DLG2: variants seen among roughly 807,000 people sequenced by gnomAD.
DLG2 encodes the protein disks large homolog 2.
In DLG2, 45 loss-of-function variants were observed where a neutral mutation model predicts 132.5. The observed-to-expected ratio is 0.34, with a 90% CI of 0.27 to 0.44. DLG2 has a LOEUF of 0.44. DLG2 is among the 20% of genes least tolerant of loss of function. The probability of loss-of-function intolerance (pLI) is 1.00; values close to 1 mark genes in which losing one functional copy is unlikely to be tolerated. For missense variants in DLG2, 1,045 were observed against 1,196.9 expected, an observed-to-expected ratio of 0.87 and a Z score of 1.87; for synonymous variants, 424 against 419.6, an observed-to-expected ratio of 1.01 and a Z score of -0.13.
At chr11:85,009,523 A>T (rs646502) in intron 6 of DLG2, among the ~76,000 whole-genome samples, 107,229 of 151,910 alleles carry the variant, frequency 0.71, 38,839 homozygotes, top group East Asian at 0.92. Context: ...TAAGAGAAAA[A>T]GCCAGACGCT....
At chr11:83,994,705 T>C (rs1162824092) in intron 11 of DLG2, among the ~76,000 whole-genome samples, 1 of 152,172 alleles carries the variant, frequency 6.6e-6, no homozygotes, top group Admixed American at 6.6e-5. Context: ...CTTAGTTTCC[T>C]AGGGCTGCAA....
intron 9 of DLG2, among the ~76,000 whole-genome samples, chr11:84,130,950 CAT>C (rs2094397868): frequency 6.7e-6 from 1 of 150,158 alleles, no homozygotes; most frequent in African/African-American, 2.4e-5. Flanking sequence ...TATTACAAAA[CAT>C]AGGGTTAAGA....
intron 4 of DLG2, among the ~76,000 whole-genome samples, chr11:85,261,860 C>G (rs1422970474): frequency 6.6e-6 from 1 of 151,970 alleles, no homozygotes; most frequent in Non-Finnish European, 1.5e-5. Flanking sequence ...GTTGGGCTAT[C>G]AGGGGGAAGG....
chr11:85,402,101 G>C (rs286037), intron 3 of DLG2, among the ~76,000 whole-genome samples: 127,068 of 152,084 alleles, frequency 0.84, 53,324 homozygotes, highest in Middle Eastern at 0.9. Flanking sequence ...ATACTACAAG[G>C]CTACAGTAAC....
intron 7 of DLG2, among the ~76,000 whole-genome samples, chr11:84,473,019 G>A (rs1214556660): frequency 2.6e-5 from 4 of 152,052 alleles, no homozygotes; most frequent in Non-Finnish European, 4.4e-5. Flanking sequence ...TAATGCCAAA[G>A]CTAGAAGGAA....
chr11:84,068,166 C>G (rs2096707120), intron 10 of DLG2, among the ~76,000 whole-genome samples: 1 of 152,212 alleles, frequency 6.6e-6, no homozygotes, highest in Non-Finnish European at 1.5e-5. Context: ...TAAAGTAGAT[C>G]TATAGGAAGA....
At chr11:83,518,603 T>C (rs2095377063) in intron 21 of DLG2, among the ~76,000 whole-genome samples, 2 of 152,180 alleles carry the variant, frequency 1.3e-5, no homozygotes, top group Non-Finnish European at 2.9e-5. Context: ...CAGAAGTGAT[T>C]TGTCTTCTGT....
chr11:84,270,971 C>A (rs1305443362), intron 7 of DLG2, among the ~76,000 whole-genome samples: 2 of 152,084 alleles, frequency 1.3e-5, no homozygotes, highest in Non-Finnish European at 1.5e-5. Context: ...TGAAGTGTAT[C>A]ATTAGTACAA....
chr11:83,609,252 C>T (rs2059772439), intron 19 of DLG2, among the ~76,000 whole-genome samples: 1 of 152,214 alleles, frequency 6.6e-6, no homozygotes, highest in African/African-American at 2.4e-5. Flanking sequence ...TAACCCTAGA[C>T]ATGCCCTTCT....
intron 5 of DLG2, among the ~76,000 whole-genome samples, chr11:85,132,475 A>G (rs1422672489): frequency 2.0e-5 from 3 of 152,108 alleles, no homozygotes; most frequent in Non-Finnish European, 4.4e-5. Context: ...TATTTCTATT[A>G]TGAGCTATAA....
intron 11 of DLG2, among the ~76,000 whole-genome samples, chr11:84,035,444 C>T (rs952426049): frequency 3.9e-5 from 6 of 152,070 alleles, no homozygotes; most frequent in Admixed American, 1.3e-4. Context: ...GAGAGAAAGC[C>T]ACATGAAAAG....
intron 4 of DLG2, among the ~76,000 whole-genome samples, chr11:85,281,688 T>C (rs2078235943): frequency 6.6e-6 from 1 of 151,858 alleles, no homozygotes; most frequent in Non-Finnish European, 1.5e-5. Context: ...ATGGCTTTTA[T>C]AAAAAAGACA....
intron 3 of DLG2, among the ~76,000 whole-genome samples, chr11:85,319,220 T>C (rs140124833): frequency 9.0e-4 from 136 of 151,894 alleles, no homozygotes; most frequent in African/African-American, 3.0e-3. Flanking sequence ...ACTTATAACC[T>C]TAGAAACAAT....
At chr11:84,234,777 G>C (rs1024081195) in intron 8 of DLG2, among the ~76,000 whole-genome samples, 1 of 152,136 alleles carries the variant, frequency 6.6e-6, no homozygotes, top group Non-Finnish European at 1.5e-5. Flanking sequence ...ACATGACAGA[G>C]AGCAGGCCCT....
chr11:83,554,510 T>C (rs954137475), intron 19 of DLG2, among the ~76,000 whole-genome samples: 1 of 152,086 alleles, frequency 6.6e-6, no homozygotes, highest in Non-Finnish European at 1.5e-5. Context: ...CATGAAAAAA[T>C]TGCAATAATA....
intron 6 of DLG2, among the ~76,000 whole-genome samples, chr11:84,734,651 C>G (rs933427566): frequency 7.2e-5 from 11 of 152,176 alleles, no homozygotes; most frequent in Non-Finnish European, 1.6e-4. Context: ...CCTGATTGCC[C>G]TGGCCAGAAC....
At chr11:84,124,770 G>A (rs1281042785) in intron 9 of DLG2, among the ~76,000 whole-genome samples, 1 of 151,824 alleles carries the variant, frequency 6.6e-6, no homozygotes, top group Non-Finnish European at 1.5e-5. Context: ...CTTTAGACAT[G>A]GCACTTAAAT....
At chr11:83,483,337 G>A (rs767108637) in intron 22 of DLG2, 1 of 1,527,066 alleles carries the variant, frequency 6.5e-7, no homozygotes, top group East Asian at 2.3e-5. Flanking sequence ...GAGAGAGGAA[G>A]AACAGCCACG....
At chr11:85,427,722 T>C (rs1197157023) in intron 3 of DLG2, among the ~76,000 whole-genome samples, 2 of 151,380 alleles carry the variant, frequency 1.3e-5, no homozygotes, top group Non-Finnish European at 3.0e-5. Flanking sequence ...CATCAACTAA[T>C]GAGCAAAATA....
Sources: allele counts gnomAD v4.1 joint callset (sites outside exome capture counted in the v4.1 genomes callset), GRCh38; gene constraint gnomAD v4.1.1; transcripts MANE v1.5; gene names NCBI Gene and HGNC (gene_info 2026-07-23, HGNC 2026-07-21).